PDE3A: variants seen among roughly 807,000 people sequenced by gnomAD.
The protein encoded by PDE3A is cGMP-inhibited 3',5'-cyclic phosphodiesterase 3A.
PDE3A carries 43 observed loss-of-function variants against 98.3 expected under a neutral mutation model. The ratio of observed to expected loss-of-function variants is 0.44; its 90% CI spans 0.34 to 0.56. The LOEUF (loss-of-function observed/expected upper bound fraction) is 0.56. Ranked by LOEUF, PDE3A falls within the 20% of genes least tolerant of loss-of-function variation. The pLI is 0.01. For synonymous variants in PDE3A, 663 were observed against 567.9 expected (o/e 1.17, Z -2.38); for missense variants, 1,427 against 1,440.7 (o/e 0.99, Z 0.15).
At chr12:20,415,398 C>CTATTTATT (rs1287447070) in intron 1 of PDE3A, among the ~76,000 whole-genome samples, 7 of 84,352 alleles carry the variant, frequency 8.3e-5, no homozygotes, top group Admixed American at 4.2e-4. Flanking sequence ...CTCCTTTTAT[C>CTATTTATT]TACTTATTTA....
At chr12:20,422,331 G>A (rs191875076) in intron 1 of PDE3A, among the ~76,000 whole-genome samples, 201 of 151,556 alleles carry the variant, frequency 1.3e-3, no homozygotes, top group Non-Finnish European at 2.2e-3. Context: ...GCAACAGAGC[G>A]AGACTCTGTC....
intron 15 of PDE3A, among the ~76,000 whole-genome samples, chr12:20,661,583 G>A (rs1225511757): frequency 6.6e-6 from 1 of 152,178 alleles, no homozygotes. Context: ...TTGGTTCCCT[G>A]CATCCCAACC....
At chr12:20,471,784 A>T (rs766744579) in intron 1 of PDE3A, among the ~76,000 whole-genome samples, 12 of 152,138 alleles carry the variant, frequency 7.9e-5, no homozygotes, top group Non-Finnish European at 1.6e-4. Context: ...ACAATATTTG[A>T]TATATGATGC....
At chr12:20,568,264 C>T (rs1301341189) in intron 2 of PDE3A, among the ~76,000 whole-genome samples, 2 of 151,902 alleles carry the variant, frequency 1.3e-5, no homozygotes, top group Admixed American at 1.3e-4. Flanking sequence ...TAACATTTAG[C>T]GTTAAGTTCC....
At chr12:20,657,519 G>A (rs112534506) in intron 15 of PDE3A, among the ~76,000 whole-genome samples, 10 of 152,248 alleles carry the variant, frequency 6.6e-5, no homozygotes, top group African/African-American at 2.2e-4. Context: ...AGGAAAAGAA[G>A]GTTTTTATCC....
rs138263877 is a variant in PDE3A, at chr12:20,640,550, T to TA, written c.2251+599dup. 7.0e-3 allele frequency among the ~76,000 whole-genome samples: 1,058 copies of TA among 152,118 alleles called. 21 individuals are homozygous for TA. The highest frequency in any genetic ancestry group is 0.024 in the African/African-American group (995 of 41,508). ...TTATGGAAAAATGATAAGAAACACT[T>TA]AAAAAATCAGGTAAATGGAAAGACC... On this transcript the variant is annotated intron_variant, in intron 10 of 15. Coordinates refer to ENST00000359062, the MANE Select transcript of PDE3A (RefSeq NM_000921.5).
chr12:20,635,493 G>A (rs775181623), intron 8 of PDE3A, among the ~76,000 whole-genome samples: 3 of 151,308 alleles, frequency 2.0e-5, no homozygotes, highest in African/African-American at 7.3e-5. Context: ...CAGTAGAATC[G>A]CTTGAACCCA....
chr12:20,506,335 A>C (rs1204313530), intron 1 of PDE3A, among the ~76,000 whole-genome samples: 1 of 152,024 alleles, frequency 6.6e-6, no homozygotes, highest in African/African-American at 2.4e-5. Context: ...AATAATATGC[A>C]CTATACACAC....
chr12:20,508,369 A>G lies in PDE3A; in HGVS notation c.961-48291A>G, dbSNP rs896955836. On this transcript the variant is annotated intron_variant, in intron 1 of 15. Transcript: ENST00000359062. ...AACACATGCTAAAATTTACTCATAT[A>G]TAATTTTTTTCACTTGAATTTGAGC... 3.3e-5 allele frequency among the ~76,000 whole-genome samples: 5 copies of G among 151,396 alleles called. No individual in the cohort carries two copies. The East Asian group carries it at 9.7e-4, about 29-fold the overall frequency.
rs113627592 is a variant in PDE3A, at chr12:20,511,041, A to G, written c.961-45619A>G. 2.6e-3 allele frequency among the ~76,000 whole-genome samples: 392 copies of G among 152,168 alleles called. 5 individuals are homozygous for G. The highest frequency in any genetic ancestry group is 0.01 in the Middle Eastern group (3 of 294). ...ATGAAAAGGACTCTGTCACTTCTCC[A>G]CTGCAACAACTAAGTCACCACTGAG... On this transcript the variant is annotated intron_variant, in intron 1 of 15. Transcript: ENST00000359062.
intron 1 of PDE3A, among the ~76,000 whole-genome samples, chr12:20,401,227 A>G (rs550217247): frequency 2.1e-4 from 32 of 152,298 alleles, no homozygotes; most frequent in African/African-American, 7.2e-4. Flanking sequence ...CCCTACCCTC[A>G]TGCCATCTGA....
At chr12:20,564,900 G>T (rs936637554) in intron 2 of PDE3A, among the ~76,000 whole-genome samples, 3 of 152,082 alleles carry the variant, frequency 2.0e-5, no homozygotes, top group Non-Finnish European at 4.4e-5. Flanking sequence ...ATCACAACCT[G>T]TGGTACTTTA....
At chr12:20,673,478 A>G (rs1466519861) in intron 15 of PDE3A, among the ~76,000 whole-genome samples, 5 of 141,840 alleles carry the variant, frequency 3.5e-5, no homozygotes, top group Non-Finnish European at 7.6e-5. Context: ...AGACTGGATT[A>G]AGAAAATGTG....
At position 20,380,951 on chromosome 12, in the gene PDE3A, C is replaced by T. The variant is rs908354589; in HGVS notation, c.960+10707C>T. On this transcript the variant is annotated intron_variant, in intron 1 of 15. Transcript: ENST00000359062. ...TTTGCATTTTGAGACAAGGAGCTAA[C>T]TGTGTGTATCATCTTGAGTAGTGTC... 4.6e-5 allele frequency among the ~76,000 whole-genome samples: 7 copies of T among 151,856 alleles called. No homozygotes were observed. In the East Asian group the frequency reaches 5.8e-4, roughly 13 times the overall value.
intron 15 of PDE3A, among the ~76,000 whole-genome samples, chr12:20,677,065 T>A (rs1945659470): frequency 6.6e-6 from 1 of 152,166 alleles, no homozygotes; most frequent in African/African-American, 2.4e-5. Flanking sequence ...TCTGACTGGG[T>A]TATGTCAAAA....
intron 4 of PDE3A, among the ~76,000 whole-genome samples, chr12:20,620,490 A>G (rs10841575): frequency 0.57 from 86,017 of 151,818 alleles, 25,165 homozygotes; most frequent in East Asian, 0.79. Context: ...TTCAACATGT[A>G]TAAGTTTTAA....
rs529942396 is a variant in PDE3A at position 20,375,214 on chromosome 12, C to A, written c.960+4970C>A. Among the ~76,000 whole-genome samples the A allele has an allele frequency of 2.7e-3, 410 of 152,088 alleles. 3 individuals carry two copies. The highest frequency in any genetic ancestry group is 3.5e-3 in the Admixed American group (53 of 15,270). ...CCCTCAGAAAGTCCAGTCTCCTATT[C>A]TTGCACCTAAAGATGTGTTCCATTA... On this transcript the variant is annotated intron_variant, in intron 1 of 15. Coordinates refer to ENST00000359062, the MANE Select transcript of PDE3A (RefSeq NM_000921.5).
chr12:20,551,678 G>A (rs1239930248), intron 1 of PDE3A: 9 of 1,609,134 alleles, frequency 5.6e-6, no homozygotes, highest in Non-Finnish European at 7.6e-6. Context: ...CCGCCCCTCA[G>A]CAGTGTTCCC....
At chr12:20,389,964 C>A (rs936428272) in intron 1 of PDE3A, among the ~76,000 whole-genome samples, 1 of 151,550 alleles carries the variant, frequency 6.6e-6, no homozygotes, top group African/African-American at 2.4e-5. Flanking sequence ...CCAGTGTATT[C>A]GTAAAAGAAT....
Sources: gnomAD v4.1 joint callset for allele counts (sites outside exome capture counted in the v4.1 genomes callset) on GRCh38, gnomAD v4.1.1 for gene constraint, MANE v1.5 for transcripts, NCBI Gene and HGNC (gene_info 2026-07-23, HGNC 2026-07-21) for gene names.